The following SYN3 variants were observed in gnomAD, a reference collection of about 807,000 sequenced individuals.
The protein encoded by SYN3 is synapsin III.
Under a neutral mutation model 65.8 loss-of-function variants are expected in SYN3, and 35 were observed. The observed-to-expected ratio is 0.53, with a 90% CI of 0.41 to 0.70. The LOEUF (loss-of-function observed/expected upper bound fraction) is 0.70, where lower values mean the gene tolerates loss of function less well. Ranked by LOEUF, SYN3 falls within the 30% of genes least tolerant of loss-of-function variation. The probability of loss-of-function intolerance (pLI) is 0.00; values close to 1 mark genes in which losing one functional copy is unlikely to be tolerated. For synonymous variants in SYN3, 270 were observed against 292.9 expected, an observed-to-expected ratio of 0.92 and a Z score of 0.80; for missense variants, 680 against 749.0, an observed-to-expected ratio of 0.91 and a Z score of 1.08.
intron 12 of SYN3, among the ~76,000 whole-genome samples, chr22:32,520,512 C>T (rs1405542612): frequency 6.6e-6 from 1 of 152,116 alleles, no homozygotes; most frequent in African/African-American, 2.4e-5. Flanking sequence ...GGGGACACGC[C>T]GAGATTCAAA....
chr22:32,867,279 T>C (rs971710504), intron 5 of SYN3, among the ~76,000 whole-genome samples: 1 of 152,192 alleles, frequency 6.6e-6, no homozygotes, highest in African/African-American at 2.4e-5. Context: ...CCACTGATCA[T>C]AGGACATATT....
intron 2 of SYN3, among the ~76,000 whole-genome samples, chr22:32,988,153 A>G (rs549125693): frequency 6.6e-6 from 1 of 151,818 alleles, no homozygotes; most frequent in African/African-American, 2.4e-5. Flanking sequence ...CTAAAAATAC[A>G]AAAATTAGCC....
intron 6 of SYN3, among the ~76,000 whole-genome samples, chr22:32,846,539 G>C (rs1051873408): frequency 1.2e-4 from 19 of 152,114 alleles, no homozygotes; most frequent in Admixed American, 1.1e-3. Flanking sequence ...ATATTAATAC[G>C]ACCCTCACAG....
chr22:32,761,642 C>T (rs766261982), intron 6 of SYN3, among the ~76,000 whole-genome samples: 1 of 152,178 alleles, frequency 6.6e-6, no homozygotes, highest in Non-Finnish European at 1.5e-5. Flanking sequence ...AGTATAGTCC[C>T]AGAGAGGTCA....
At chr22:32,984,180 GA>G (rs1159089614) in intron 2 of SYN3, among the ~76,000 whole-genome samples, 188 of 117,554 alleles carry the variant, frequency 1.6e-3, no homozygotes, top group Admixed American at 4.3e-3. Context: ...AAAAAAAAAA[GA>G]AAAAGAAAAA....
At chr22:32,926,385 T>C (rs2050471404) in intron 4 of SYN3, among the ~76,000 whole-genome samples, 1 of 152,254 alleles carries the variant, frequency 6.6e-6, no homozygotes, top group Non-Finnish European at 1.5e-5. Flanking sequence ...AACTTCTTTA[T>C]GTCTCCTTAT....
chr22:32,533,974 T>C (rs1490297050), intron 9 of SYN3, 79 bp from the exon 10 acceptor site: 2 of 921,768 alleles, frequency 2.2e-6, no homozygotes, highest in Non-Finnish European at 1.7e-6. Flanking sequence ...TGGATTCACA[T>C]GGAAAAACAG....
At chr22:32,655,305 C>T (rs2060127578) in intron 6 of SYN3, among the ~76,000 whole-genome samples, 1 of 152,216 alleles carries the variant, frequency 6.6e-6, no homozygotes, top group Non-Finnish European at 1.5e-5. Flanking sequence ...TCCCAGCCTC[C>T]AGAACTATGA....
intron 6 of SYN3, among the ~76,000 whole-genome samples, chr22:32,758,702 G>A (rs1368733032): frequency 0.075 from 1,971 of 26,212 alleles, 1 homozygote; most frequent in East Asian, 0.098. Flanking sequence ...ATATATATAT[G>A]TCTTATTAGT....
At chr22:32,857,940 C>G (rs1336471565) in intron 6 of SYN3, 1 of 1,609,274 alleles carries the variant, frequency 6.2e-7, no homozygotes, top group African/African-American at 1.3e-5. Flanking sequence ...TAAGTGGGAA[C>G]ATAGTAGGTG....
At chr22:32,538,176 T>A (rs936654621) in intron 8 of SYN3, 66 bp from the exon 9 acceptor site, 1 of 1,469,322 alleles carries the variant, frequency 6.8e-7, no homozygotes, top group Non-Finnish European at 9.5e-7. Flanking sequence ...CTTTCCTTCT[T>A]TGCTTTGGCT....
At chr22:32,594,341 C>T (rs1569073730) in intron 7 of SYN3, among the ~76,000 whole-genome samples, 1 of 152,048 alleles carries the variant, frequency 6.6e-6, no homozygotes, top group East Asian at 1.9e-4. Context: ...AGGGAGGACT[C>T]TTTTTAAAAG....
chr22:32,848,268 TATCTACTGGGTAA>T (rs1476192483), intron 6 of SYN3, among the ~76,000 whole-genome samples: 1 of 152,246 alleles, frequency 6.6e-6, no homozygotes, highest in Non-Finnish European at 1.5e-5. Context: ...AGTTAACTAG[TATCTACTGGGTAA>T]ATCCTTTCTG....
chr22:32,528,728 G>T, intron 11 of SYN3, 146 bp downstream of exon 11: 1 of 1,157,580 alleles, frequency 8.6e-7, no homozygotes, highest in African/African-American at 1.6e-5. Flanking sequence ...TCTCCCCAAT[G>T]TCTGGCCTTC....
At chr22:33,008,000 G>A (rs1035268001) in intron 1 of SYN3, among the ~76,000 whole-genome samples, 1 of 151,396 alleles carries the variant, frequency 6.6e-6, no homozygotes, top group Admixed American at 6.6e-5. Context: ...GCAGTGGCAC[G>A]ATCTTGGCTC....
At chr22:32,826,467 GTAA>G (rs2047416828) in intron 6 of SYN3, among the ~76,000 whole-genome samples, 2 of 151,976 alleles carry the variant, frequency 1.3e-5, no homozygotes, top group South Asian at 4.1e-4. Flanking sequence ...ATTTAAAAAG[GTAA>G]TAATGTAAGA....
intron 3 of SYN3, among the ~76,000 whole-genome samples, chr22:32,969,790 A>G (rs1332932356): frequency 1.3e-5 from 2 of 152,100 alleles, no homozygotes; most frequent in East Asian, 1.9e-4. Flanking sequence ...TCACGCATTC[A>G]CTCAACAAAC....
At chr22:32,808,972 G>A (rs1055288072) in intron 6 of SYN3, among the ~76,000 whole-genome samples, 4 of 152,192 alleles carry the variant, frequency 2.6e-5, no homozygotes, top group Non-Finnish European at 5.9e-5. Flanking sequence ...GTCTAGTCCT[G>A]TCTTCTGGTG....
At position 32,868,954 on chromosome 22, in the gene SYN3, C is replaced by T; in HGVS notation, c.621+12G>A. The T allele has an allele frequency of 2.5e-6, 4 of 1,612,508 alleles. No homozygotes were observed. Among genetic ancestry groups the T allele is most frequent in the Non-Finnish European group, 3.4e-6 (4 of 1,179,110 alleles). On this transcript the variant is annotated intron_variant, in intron 5 of 13. Coordinates refer to ENST00000358763, the MANE Select transcript of SYN3 (RefSeq NM_003490.4). ...CCCAGATCCCTCCAGGTCAGCCTGC[C>T]CTGTCACCTACCACCCAGGGCTTGC...
Sources: allele counts gnomAD v4.1 joint callset (sites outside exome capture counted in the v4.1 genomes callset), GRCh38; gene constraint gnomAD v4.1.1; transcripts MANE v1.5; gene names NCBI Gene and HGNC (gene_info 2026-07-23, HGNC 2026-07-21).